The following CASP8 variants were observed in gnomAD, a reference collection of about 807,000 sequenced individuals.
CASP8 encodes caspase 8, also known as caspase-8.
Under a neutral mutation model 46.3 loss-of-function variants are expected in CASP8, and 24 were observed. The observed-to-expected ratio is 0.52, with a 90% CI of 0.38 to 0.73. The LOEUF (loss-of-function observed/expected upper bound fraction) is 0.73, where lower values mean the gene tolerates loss of function less well. Among genes scored for constraint, CASP8 ranks in the 30% least tolerant of loss-of-function variants. CASP8 has a pLI of 0.00. For missense variants in CASP8, 460 were observed against 559.0 expected, an observed-to-expected ratio of 0.82 and a Z score of 1.79; for synonymous variants, 188 against 200.4, an observed-to-expected ratio of 0.94 and a Z score of 0.52.
upstream of CASP8, chr2:201,258,493 C>A: frequency 7.8e-7 from 1 of 1,284,030 alleles, no homozygotes; most frequent in Non-Finnish European, 1.1e-6. Flanking sequence ...TTGGATCTGC[C>A]CTTCTGAGGA....
chr2:201,251,124 T>G (rs547760791), intron 2 of CASP8, among the ~76,000 whole-genome samples: 1 of 152,350 alleles, frequency 6.6e-6, no homozygotes, highest in African/African-American at 2.4e-5. Flanking sequence ...ATCTATGGTA[T>G]GGATGTGCCA....
intron 2 of CASP8, among the ~76,000 whole-genome samples, chr2:201,245,414 T>C (rs1946467637): frequency 6.6e-6 from 1 of 152,080 alleles, no homozygotes; most frequent in East Asian, 1.9e-4. Context: ...CTAATTTTTG[T>C]ATTTTTAGTA....
At chr2:201,247,114 G>A (rs1020520000) in intron 2 of CASP8, among the ~76,000 whole-genome samples, 2 of 150,448 alleles carry the variant, frequency 1.3e-5, no homozygotes, top group Non-Finnish European at 2.9e-5. Context: ...GCTTGAGCTG[G>A]CGGGGTGGAG....
At chr2:201,247,953 A>G (rs1363066532) in intron 2 of CASP8, among the ~76,000 whole-genome samples, 1 of 151,738 alleles carries the variant, frequency 6.6e-6, no homozygotes, top group Non-Finnish European at 1.5e-5. Flanking sequence ...CAACTTTTGT[A>G]TTTTTAGTAG....
At chr2:201,285,779 A>AGTT (rs1292651086) in intron 8 of CASP8, among the ~76,000 whole-genome samples, 2 of 152,204 alleles carry the variant, frequency 1.3e-5, no homozygotes, top group Admixed American at 6.5e-5. Context: ...CTCTGTCAAA[A>AGTT]GTTCTATAAT....
At chr2:201,241,954 C>T (rs547088664) in intron 2 of CASP8, 2 of 152,248 alleles carry the variant, frequency 1.3e-5, no homozygotes, top group South Asian at 2.1e-4. Context: ...ATAAAGATAA[C>T]ATGATCATCT....
intron 7 of CASP8, among the ~76,000 whole-genome samples, chr2:201,277,506 GACT>G (rs1948711036): frequency 1.3e-5 from 2 of 152,168 alleles, no homozygotes; most frequent in African/African-American, 2.4e-5. Flanking sequence ...TATAAAAAGT[GACT>G]ACAACAACAA....
At chr2:201,236,283 T>G (rs1946043998) in intron 2 of CASP8, among the ~76,000 whole-genome samples, 1 of 152,244 alleles carries the variant, frequency 6.6e-6, no homozygotes, top group African/African-American at 2.4e-5. Flanking sequence ...TTTGTTTTGA[T>G]TTTAATTTAA....
chr2:201,272,633 C>T lies in CASP8; in HGVS notation c.412-5C>T. ...GATTCCCAACTTTATTTCTCCTCCTCTTAGAACCTGCTGGATATTTTCATA... is the reference window on the plus strand; with the variant it reads ...GATTCCCAACTTTATTTCTCCTCCTTTTAGAACCTGCTGGATATTTTCATA... On this transcript the variant is annotated splice_polypyrimidine_tract_variant and splice_region_variant and intron_variant, in intron 3 of 8. Coordinates refer to ENST00000673742, the MANE Select transcript of CASP8 (RefSeq NM_001372051.1). This position sits in a 1 kb window ranked among gnomAD's most constrained non-coding sequence, Gnocchi z 4.4. 1.9e-6 allele frequency: 3 copies of T among 1,614,052 alleles called. No individual in the cohort carries two copies. Among genetic ancestry groups the T allele is most frequent in the Non-Finnish European group, 2.5e-6 (3 of 1,179,992 alleles).
intron 7 of CASP8, among the ~76,000 whole-genome samples, chr2:201,280,008 CA>C (rs1948899737): frequency 6.6e-6 from 1 of 151,536 alleles, no homozygotes; most frequent in Non-Finnish European, 1.5e-5. Context: ...ACAAGAAAAA[CA>C]TGAAACAGAA....
chr2:201,282,703 C>A (rs1387064600), intron 7 of CASP8, among the ~76,000 whole-genome samples: 2 of 81,230 alleles, frequency 2.5e-5, no homozygotes, highest in African/African-American at 8.1e-5. Context: ...CTGTTCCCCC[C>A]ACCTCCCTCC....
At chr2:201,252,868 G>A (rs369213540) in intron 2 of CASP8, among the ~76,000 whole-genome samples, 1 of 152,272 alleles carries the variant, frequency 6.6e-6, no homozygotes, top group African/African-American at 2.4e-5. Flanking sequence ...TACTACCACA[G>A]ATACTCTTAA....
At chr2:201,242,348 TTCAAGA>T (rs1428066298) in intron 2 of CASP8, 3 of 152,084 alleles carry the variant, frequency 2.0e-5, no homozygotes, top group Non-Finnish European at 4.4e-5. Context: ...GGCTAGGAAA[TTCAAGA>T]TCAAGTAGCT....
At position 201,236,088 on chromosome 2, in the gene CASP8, G is replaced by A. The variant is rs756813890; in HGVS notation, c.-27+1976G>A. ...GCCTGTCATTAAGTGACGTATGACT[G>A]TATATATTTGAGTGGAACTATCACT... On this transcript the variant is annotated intron_variant, in intron 2 of 6. Coordinates refer to the CASP8 transcript ENST00000264274. 1.1e-3 allele frequency among the ~76,000 whole-genome samples: 171 copies of A among 152,134 alleles called. 6 individuals carry two copies. Among genetic ancestry groups the A allele is most frequent in the Non-Finnish European group, 9.7e-4 (66 of 68,040 alleles).
At chr2:201,237,085 ATTTTTTTTTTT>A (rs34775964) in intron 2 of CASP8, among the ~76,000 whole-genome samples, 11 of 88,104 alleles carry the variant, frequency 1.2e-4, no homozygotes, top group African/African-American at 1.9e-4. Flanking sequence ...ACCCCTTTCT[ATTTTTTTTTTT>A]TTTTTTTTTT....
intron 6 of CASP8, among the ~76,000 whole-genome samples, chr2:201,276,297 T>C (rs1447712091): frequency 6.6e-6 from 1 of 152,146 alleles, no homozygotes; most frequent in African/African-American, 2.4e-5. Flanking sequence ...GAGAGCTGGG[T>C]TAAGCCATCA....
chr2:201,275,368 G>A (rs367588237), intron 6 of CASP8, among the ~76,000 whole-genome samples: 19 of 152,198 alleles, frequency 1.2e-4, no homozygotes, highest in African/African-American at 4.3e-4. Context: ...TGAGGTGTAA[G>A]CAGCAAACTC....
At chr2:201,274,992 G>A in intron 6 of CASP8, 39 bp downstream of exon 6, 1 of 1,348,264 alleles carries the variant, frequency 7.4e-7, no homozygotes, top group Non-Finnish European at 1.1e-6. Flanking sequence ...TTACATTACA[G>A]ATTCTAGTTA....
At chr2:201,260,815 C>T (rs1012975236) in intron 1 of CASP8, among the ~76,000 whole-genome samples, 1 of 152,164 alleles carries the variant, frequency 6.6e-6, no homozygotes. Context: ...GAGGGCCGTG[C>T]AGTTTCCAGA....
Sources: gnomAD v4.1 joint callset for allele counts (sites outside exome capture counted in the v4.1 genomes callset) on GRCh38, gnomAD v4.1.1 for gene constraint, Gnocchi (gnomAD v3.1) non-coding constraint, MANE v1.5 for transcripts, NCBI Gene and HGNC (gene_info 2026-07-23, HGNC 2026-07-21) for gene names.